Variants in MEP1A observed in about 807,000 individuals in gnomAD.
The protein encoded by MEP1A is meprin A subunit alpha, also known as N-benzoyl-L-tyrosyl-P-amino-benzoic acid hydrolase subunit alpha.
Under a neutral mutation model 84.5 loss-of-function variants are expected in MEP1A, and 68 were observed. That is an observed-to-expected ratio of 0.80 (90% CI 0.66 to 0.98). The LOEUF is 0.98. MEP1A is among the 50% of genes least tolerant of loss of function. MEP1A has a pLI of 0.00. For missense variants in MEP1A, 887 were observed against 919.9 expected (o/e 0.96, Z 0.46); for synonymous variants, 337 against 336.8 (o/e 1.00, Z -0.01).
intron 5 of MEP1A, 111 bp from the exon 6 acceptor site, chr6:46,809,309 C>A: frequency 1.5e-6 from 1 of 675,520 alleles, no homozygotes; most frequent in Non-Finnish European, 2.4e-6. Context: ...AAAACCCTAT[C>A]ATGCACCTCT....
intron 4 of MEP1A, 86 bp downstream of exon 4, chr6:46,798,732 A>G: frequency 8.9e-7 from 1 of 1,118,868 alleles, no homozygotes; most frequent in East Asian, 2.4e-5. Context: ...CAGCCCTGGG[A>G]TGGGCACTGT....
intron 11 of MEP1A, among the ~76,000 whole-genome samples, chr6:46,833,841 T>C (rs1423088303): frequency 1.3e-5 from 2 of 152,090 alleles, no homozygotes; most frequent in African/African-American, 2.4e-5. Flanking sequence ...ATTGAGGAAA[T>C]AGATACTGCT....
At chr6:46,818,673 C>T (rs1767696662) in intron 6 of MEP1A, among the ~76,000 whole-genome samples, 1 of 152,160 alleles carries the variant, frequency 6.6e-6, no homozygotes, top group African/African-American at 2.4e-5. Flanking sequence ...TTGCCTGATA[C>T]CCTTCAGAAA....
At chr6:46,833,671 G>C (rs1234217696) in intron 11 of MEP1A, 133 bp downstream of exon 11, 2 of 684,230 alleles carry the variant, frequency 2.9e-6, no homozygotes, top group Admixed American at 2.8e-5. Flanking sequence ...TAGTCTTGTT[G>C]GAGTTTCAAG....
At chr6:46,841,164 C>T (rs1212436344), downstream of MEP1A, among the ~76,000 whole-genome samples, 1 of 152,182 alleles carries the variant, frequency 6.6e-6, no homozygotes, top group Non-Finnish European at 1.5e-5. Context: ...GTATTTTCAT[C>T]TAGTACTCCA....
At chr6:46,804,218 T>C (rs1013884612) in intron 5 of MEP1A, among the ~76,000 whole-genome samples, 1 of 151,722 alleles carries the variant, frequency 6.6e-6, no homozygotes, top group Non-Finnish European at 1.5e-5. Flanking sequence ...TGACAAATTC[T>C]GGTTTTTCTT....
chr6:46,837,201 G>T (rs994635630), intron 13 of MEP1A, among the ~76,000 whole-genome samples: 1 of 151,964 alleles, frequency 6.6e-6, no homozygotes, highest in Non-Finnish European at 1.5e-5. Context: ...AAGAAGAATG[G>T]CACCTTCACC....
intron 13 of MEP1A, among the ~76,000 whole-genome samples, chr6:46,838,461 A>C (rs1264083086): frequency 6.6e-6 from 1 of 152,242 alleles, no homozygotes; most frequent in African/African-American, 2.4e-5. Flanking sequence ...ACTTCAGGGC[A>C]ACCTCGTGAG....
chr6:46,808,478 G>A (rs911722739), intron 5 of MEP1A, among the ~76,000 whole-genome samples: 1 of 152,072 alleles, frequency 6.6e-6, no homozygotes, highest in African/African-American at 2.4e-5. Context: ...TAAATCAAAT[G>A]TGCAAGAAAT....
intron 5 of MEP1A, among the ~76,000 whole-genome samples, chr6:46,802,674 C>A (rs548948279): frequency 6.6e-6 from 1 of 151,778 alleles, no homozygotes; most frequent in South Asian, 2.1e-4. Context: ...GTATTCAATA[C>A]TTCATTCATG....
intron 9 of MEP1A, among the ~76,000 whole-genome samples, chr6:46,827,061 A>G (rs1333442320): frequency 6.6e-6 from 1 of 152,240 alleles, no homozygotes. Context: ...CCTACAGTAC[A>G]TCTCAGTTTG....
At chr6:46,816,998 G>A (rs1300527116) in intron 6 of MEP1A, among the ~76,000 whole-genome samples, 1 of 152,090 alleles carries the variant, frequency 6.6e-6, no homozygotes, top group Non-Finnish European at 1.5e-5. Context: ...GATCAACAGT[G>A]GATAAAGAAT....
chr6:46,807,174 A>T (rs1043112096), intron 5 of MEP1A, among the ~76,000 whole-genome samples: 3 of 151,914 alleles, frequency 2.0e-5, no homozygotes, highest in Non-Finnish European at 4.4e-5. Flanking sequence ...CTCAAAAGAA[A>T]AAAAAAGAAC....
chr6:46,827,137 G>T (rs1242724209), intron 9 of MEP1A, among the ~76,000 whole-genome samples: 2 of 152,150 alleles, frequency 1.3e-5, no homozygotes, highest in African/African-American at 2.4e-5. Flanking sequence ...GGATAGCATA[G>T]CTTCAGATAC....
chr6:46,844,715 A>G (rs1485986035), downstream of MEP1A, among the ~76,000 whole-genome samples: 1 of 152,172 alleles, frequency 6.6e-6, no homozygotes, highest in Non-Finnish European at 1.5e-5. Context: ...TTCTTTTCTC[A>G]GTAATAGAAT....
chr6:46,818,868 G>A (rs1402603224), intron 6 of MEP1A, among the ~76,000 whole-genome samples: 1 of 152,186 alleles, frequency 6.6e-6, no homozygotes, highest in Non-Finnish European at 1.5e-5. Context: ...GCTCACACCT[G>A]TAATCCTAGC....
chr6:46,837,805 C>T (rs1768247242), intron 13 of MEP1A, among the ~76,000 whole-genome samples: 1 of 152,048 alleles, frequency 6.6e-6, no homozygotes, highest in South Asian at 2.1e-4. Context: ...CTATTACTCA[C>T]TGATTTCTAA....
chr6:46,808,439 A>G (rs1767414508), intron 5 of MEP1A, among the ~76,000 whole-genome samples: 1 of 152,126 alleles, frequency 6.6e-6, no homozygotes, highest in South Asian at 2.1e-4. Context: ...TTCCTGGCCA[A>G]TAGATATAAA....
intron 13 of MEP1A, among the ~76,000 whole-genome samples, chr6:46,837,146 T>C (rs1249077612): frequency 1.3e-5 from 2 of 152,218 alleles, no homozygotes; most frequent in African/African-American, 4.8e-5. Context: ...TCTTCTAATG[T>C]TGATTTCCTA....
Sources: allele counts gnomAD v4.1 joint callset (sites outside exome capture counted in the v4.1 genomes callset), GRCh38; gene constraint gnomAD v4.1.1; transcripts MANE v1.5; gene names NCBI Gene and HGNC (gene_info 2026-07-23, HGNC 2026-07-21).